MYCBP2: variants seen among roughly 807,000 people sequenced by gnomAD.
MYCBP2 encodes the protein E3 ubiquitin-protein ligase MYCBP2.
Under a neutral mutation model 525.3 loss-of-function variants are expected in MYCBP2, and 120 were observed. That is an observed-to-expected ratio of 0.23 (90% CI 0.20 to 0.27). The LOEUF (loss-of-function observed/expected upper bound fraction) is 0.27. MYCBP2 is among the 10% of genes least tolerant of loss of function. The pLI is 1.00. For missense variants in MYCBP2, 4,149 were observed against 5,657.1 expected (o/e 0.73, Z 8.55); for synonymous variants, 1,894 against 1,955.8 (o/e 0.97, Z 0.83).
intron 60 of MYCBP2, 39 bp from the exon 61 acceptor site, chr13:77,089,070 G>C: frequency 2.1e-6 from 3 of 1,420,848 alleles, no homozygotes; most frequent in Non-Finnish European, 2.9e-6. Context: ...TTCATAGGCA[G>C]TGCATATATA....
intron 55 of MYCBP2, among the ~76,000 whole-genome samples, chr13:77,112,911 CTTAGTATCTTCTCT>C (rs921896922): frequency 2.0e-5 from 3 of 152,136 alleles, no homozygotes; most frequent in Admixed American, 6.6e-5. Context: ...TATCTTCTCT[CTTAGTATCTTCTCT>C]TTAGATCAAA....
Position 77,262,026 on chromosome 13 carries a change from A to G in MYCBP2, c.1647+27T>C, listed in dbSNP as rs760315283. On this transcript the variant is annotated intron_variant, in intron 11 of 82. Coordinates refer to ENST00000544440, the MANE Select transcript of MYCBP2 (RefSeq NM_015057.5). ...TAATCTCTTAAATCAGAGAATGCTCATTTTTAATCCAAAGAGAATAATTTA... is the reference window on the plus strand; with the variant it reads ...TAATCTCTTAAATCAGAGAATGCTCGTTTTTAATCCAAAGAGAATAATTTA... 5 of 1,583,786 alleles carry G rather than the reference A, an allele frequency of 3.2e-6. No individual in the cohort carries two copies. In the Admixed American group the frequency reaches 8.4e-5, roughly 27 times the overall value.
chr13:77,121,308 T>A, intron 55 of MYCBP2, 65 bp downstream of exon 55: 1 of 1,348,100 alleles, frequency 7.4e-7, no homozygotes, highest in African/African-American at 1.5e-5. Context: ...AAAAAGTGTA[T>A]AAAAGAGAAG....
chr13:77,281,237 T>A (rs1196257359), intron 3 of MYCBP2, among the ~76,000 whole-genome samples: 1 of 152,168 alleles, frequency 6.6e-6, no homozygotes, highest in Non-Finnish European at 1.5e-5. Flanking sequence ...GTAAAAAACA[T>A]TTTAATGTGT....
intron 14 of MYCBP2, among the ~76,000 whole-genome samples, chr13:77,254,364 T>G (rs1415654227): frequency 2.0e-5 from 3 of 151,970 alleles, no homozygotes; most frequent in African/African-American, 7.2e-5. Flanking sequence ...GGCACTTGAA[T>G]CTTATCTGTG....
intron 15 of MYCBP2, among the ~76,000 whole-genome samples, chr13:77,246,969 T>G (rs2070145163): frequency 1.3e-5 from 2 of 152,202 alleles, no homozygotes; most frequent in Middle Eastern, 3.4e-3. Flanking sequence ...GGAAATGATC[T>G]CAACATAAAA....
chr13:77,243,246 A>T, intron 16 of MYCBP2, 86 bp from the exon 17 acceptor site: 1 of 995,652 alleles, frequency 1.0e-6, no homozygotes, highest in Admixed American at 1.9e-5. Flanking sequence ...TCAAGAAAGT[A>T]AAAGCTAGCA....
intron 15 of MYCBP2, among the ~76,000 whole-genome samples, chr13:77,247,048 A>T (rs1046065026): frequency 6.6e-6 from 1 of 152,228 alleles, no homozygotes; most frequent in African/African-American, 2.4e-5. Context: ...TCGTAATATC[A>T]GGAAGAAGAC....
At chr13:77,303,229 A>G (rs2079001525) in intron 1 of MYCBP2, among the ~76,000 whole-genome samples, 3 of 152,224 alleles carry the variant, frequency 2.0e-5, no homozygotes, top group Admixed American at 1.3e-4. Flanking sequence ...GCTACTCAGG[A>G]GGCTGAGGCA....
intron 29 of MYCBP2, among the ~76,000 whole-genome samples, chr13:77,189,447 T>C (rs565774936): frequency 6.6e-6 from 1 of 152,256 alleles, no homozygotes; most frequent in Non-Finnish European, 1.5e-5. Context: ...ACAGTAACTA[T>C]AACAGATTGC....
intron 55 of MYCBP2, among the ~76,000 whole-genome samples, chr13:77,102,177 A>G (rs562755650): frequency 4.5e-4 from 68 of 152,036 alleles, no homozygotes; most frequent in Middle Eastern, 3.4e-3. Flanking sequence ...ATACTATATC[A>G]TAATACTATA....
At chr13:77,300,319 G>A (rs2078641798) in intron 1 of MYCBP2, among the ~76,000 whole-genome samples, 1 of 152,196 alleles carries the variant, frequency 6.6e-6, no homozygotes, top group African/African-American at 2.4e-5. Flanking sequence ...CACTTTGTGA[G>A]TCACAAGATC....
intron 52 of MYCBP2, among the ~76,000 whole-genome samples, chr13:77,135,842 CT>C (rs796942698): frequency 7.0e-4 from 101 of 144,930 alleles, no homozygotes; most frequent in Middle Eastern, 3.6e-3. Context: ...TCTTTTTTTT[CT>C]TTTTTTTTTT....
intron 14 of MYCBP2, among the ~76,000 whole-genome samples, chr13:77,251,681 C>T (rs926209583): frequency 2.0e-5 from 3 of 152,082 alleles, no homozygotes; most frequent in African/African-American, 7.2e-5. Context: ...AGAAAGCCTC[C>T]CAACCATGCT....
rs767759799 is a variant in MYCBP2, at chr13:77,205,569, C to G, written c.3619G>C (p.Asp1207His). 30 of 1,612,662 alleles carry G rather than the reference C, an allele frequency of 1.9e-5. No individual in the cohort carries two copies. Among genetic ancestry groups the G allele is most frequent in the Non-Finnish European group, 2.3e-5 (27 of 1,179,654 alleles). ...GCLDTLAAMQ[D>H]LKMGVASTEE... ...GTACTTGCAACACCCATTTTTAAGTCCTGCATAGCTGCCAAGGTATCAAGA... is the reference window on the plus strand; with the variant it reads ...GTACTTGCAACACCCATTTTTAAGTGCTGCATAGCTGCCAAGGTATCAAGA... Residue 1207 changes from aspartate to histidine, a missense_variant, in exon 25 of 83, where the codon GAC becomes CAC. This residue lies in a region of MYCBP2 where 620 missense variants were observed against 795.5 expected (regional missense o/e 0.78). Transcript: ENST00000544440.
At position 77,073,425 on chromosome 13, in the gene MYCBP2, G is replaced by A. The variant is rs141238364; in HGVS notation, c.11824-2714C>T. Reference sequence around the variant, plus strand: ...AAGATTCACCCCCAAAAAATCTACAGTTCACATCACACTTAATAATGAATG... The same window carrying A: ...AAGATTCACCCCCAAAAAATCTACAATTCACATCACACTTAATAATGAATG... On this transcript the variant is annotated intron_variant, in intron 68 of 82. Transcript: ENST00000544440. Among the ~76,000 whole-genome samples, 357 of 152,146 alleles carry A rather than the reference G, an allele frequency of 2.3e-3. 4 individuals carry two copies. Among genetic ancestry groups the A allele is most frequent in the African/African-American group, 8.4e-3 (348 of 41,530 alleles).
chr13:77,158,797 T>C (rs547408465), intron 44 of MYCBP2, among the ~76,000 whole-genome samples: 2 of 152,260 alleles, frequency 1.3e-5, no homozygotes, highest in South Asian at 4.1e-4. Context: ...GTAAGGTGTG[T>C]CTGTTCTCTT....
Position 77,243,063 on chromosome 13 carries a change from T to C in MYCBP2, c.2625A>G (p.Gly875=). Residue 875 remains glycine, a synonymous_variant, in exon 17 of 83, where the codon GGA becomes GGG. Transcript: ENST00000544440. ...RVIRRHRLEE[G]RGPLVFAGPI... ...TTCTCTGTAGCTACATCTTACCTCTTCCTTCCTCTAATCTGTGCCTTCTGA... is the reference window on the plus strand; with the variant it reads ...TTCTCTGTAGCTACATCTTACCTCTCCCTTCCTCTAATCTGTGCCTTCTGA... The C allele has an allele frequency of 6.2e-7, 1 of 1,613,886 alleles. No homozygotes were observed. The highest frequency in any genetic ancestry group is 1.1e-5 in the South Asian group (1 of 91,080).
chr13:77,069,198 A>G (rs1422000771), intron 69 of MYCBP2, among the ~76,000 whole-genome samples: 1 of 152,236 alleles, frequency 6.6e-6, no homozygotes, highest in Non-Finnish European at 1.5e-5. Flanking sequence ...ATAGCTGATA[A>G]GATTCACAAT....
Sources: gnomAD v4.1 joint callset for allele counts (sites outside exome capture counted in the v4.1 genomes callset) on GRCh38, gnomAD v4.1.1 for gene constraint, gnomAD v4.1.1 regional missense constraint, MANE v1.5 for transcripts, NCBI Gene and HGNC (gene_info 2026-07-23, HGNC 2026-07-21) for gene names.